RAP1GAP: variants seen among roughly 807,000 people sequenced by gnomAD.
RAP1GAP encodes the protein rap1 GTPase-activating protein 1.
Under a neutral mutation model 87.2 loss-of-function variants are expected in RAP1GAP, and 35 were observed. The ratio of observed to expected loss-of-function variants is 0.40; its 90% CI spans 0.31 to 0.53. RAP1GAP has a LOEUF of 0.53. RAP1GAP is among the 20% of genes least tolerant of loss of function. The pLI is 0.48. For synonymous variants in RAP1GAP, 375 were observed against 363.9 expected, an observed-to-expected ratio of 1.03 and a Z score of -0.35; for missense variants, 734 against 898.9, an observed-to-expected ratio of 0.82 and a Z score of 2.35.
chr1:21,660,943 G>C (rs1036158114), intron 1 of RAP1GAP, among the ~76,000 whole-genome samples: 1 of 152,080 alleles, frequency 6.6e-6, no homozygotes, highest in Non-Finnish European at 1.5e-5. Context: ...GGGCTGAGCT[G>C]GGGACAGGAG....
At position 21,599,493 on chromosome 1, in the gene RAP1GAP, C is replaced by T. The variant is rs773256178; in HGVS notation, c.1776+1G>A. ...GCCCCTGACCCCCCTGAGCCTCTCA[C>T]CAGGCCTGTGTCCTCTCCGTCCACA... On this transcript the variant is annotated splice_donor_variant, in intron 21 of 24. Transcript: ENST00000374765. LOFTEE classifies it high-confidence loss of function. 4.4e-6 allele frequency: 7 copies of T among 1,608,414 alleles called. No homozygotes were observed. Among genetic ancestry groups the T allele is most frequent in the Admixed American group, 3.3e-5 (2 of 59,980 alleles).
At chr1:21,619,295 G>C (rs1414284478) in intron 4 of RAP1GAP, among the ~76,000 whole-genome samples, 2 of 152,126 alleles carry the variant, frequency 1.3e-5, no homozygotes, top group Non-Finnish European at 2.9e-5. Flanking sequence ...GAGGGCTGGG[G>C]ACTCTGCGGG....
chr1:21,607,380 A>G (rs946242467), intron 17 of RAP1GAP, among the ~76,000 whole-genome samples: 1 of 152,150 alleles, frequency 6.6e-6, no homozygotes, highest in African/African-American at 2.4e-5. Context: ...CCATTACCCT[A>G]CTCAACAGAT....
intron 2 of RAP1GAP, among the ~76,000 whole-genome samples, chr1:21,638,588 TAAACAA>T (rs752036699): frequency 1.8e-4 from 27 of 152,168 alleles, no homozygotes; most frequent in African/African-American, 5.8e-4. Context: ...TCTTTCTCTT[TAAACAA>T]AAACAAAAAC....
chr1:21,649,542 T>C (rs540133122), intron 2 of RAP1GAP, among the ~76,000 whole-genome samples: 1 of 152,156 alleles, frequency 6.6e-6, no homozygotes, highest in Non-Finnish European at 1.5e-5. Context: ...ACACAGGCAG[T>C]GGCAGAGTGA....
At chr1:21,627,604 G>A (rs1208943659) in intron 2 of RAP1GAP, among the ~76,000 whole-genome samples, 2 of 151,762 alleles carry the variant, frequency 1.3e-5, no homozygotes, top group Admixed American at 6.6e-5. Context: ...TAGTAGAGAC[G>A]GGGTTTCTCC....
At chr1:21,616,954 C>T (rs908151685) in intron 7 of RAP1GAP, among the ~76,000 whole-genome samples, 3 of 152,198 alleles carry the variant, frequency 2.0e-5, no homozygotes, top group Admixed American at 1.3e-4. Context: ...GGTATCATTA[C>T]CACCAACCAC....
At chr1:21,600,813 A>G (rs1320061237) in intron 20 of RAP1GAP, among the ~76,000 whole-genome samples, 1 of 140,830 alleles carries the variant, frequency 7.1e-6, no homozygotes, top group Non-Finnish European at 1.5e-5. Flanking sequence ...TGAACCCGGG[A>G]GGTGGAGCTT....
At chr1:21,619,585 G>A (rs893277665) in intron 4 of RAP1GAP, among the ~76,000 whole-genome samples, 15 of 152,034 alleles carry the variant, frequency 9.9e-5, no homozygotes, top group Admixed American at 6.6e-4. Context: ...ACGGGGCTGT[G>A]GGGTGGAGGG....
At chr1:21,658,359 G>C (rs1193389458) in intron 1 of RAP1GAP, among the ~76,000 whole-genome samples, 1 of 152,116 alleles carries the variant, frequency 6.6e-6, no homozygotes, top group Non-Finnish European at 1.5e-5. Context: ...CCTGAGGCCA[G>C]GAGTTCGAGA....
intron 20 of RAP1GAP, among the ~76,000 whole-genome samples, chr1:21,601,271 G>A (rs2068159191): frequency 6.6e-6 from 1 of 152,074 alleles, no homozygotes; most frequent in African/African-American, 2.4e-5. Flanking sequence ...AGTCCTAGCA[G>A]GGCTGGTTCA....
rs1208321365 is a variant in RAP1GAP at position 21,651,914 on chromosome 1, G to A, written c.-148-2118C>T. On this transcript the variant is annotated intron_variant, in intron 1 of 24. Coordinates refer to ENST00000374765, the MANE Select transcript of RAP1GAP (RefSeq NM_002885.4). The stretch of plus-strand genomic sequence containing the variant: ...TTGGCAACGCGGCCGCCCCGCCCCC[G>A]CCCCCGCCCCAGCTCGGATACGTCC... 5.2e-6 allele frequency: 5 copies of A among 954,350 alleles called. No individual in the cohort carries two copies. In the African/African-American group the frequency reaches 5.4e-5, roughly 10 times the overall value. 59.1% of individuals were successfully genotyped at this position (954,350 alleles called of 1,614,324 possible).
At chr1:21,599,813 C>T (rs779284714) in intron 20 of RAP1GAP, among the ~76,000 whole-genome samples, 196 bp from the exon 21 acceptor site, 1 of 152,174 alleles carries the variant, frequency 6.6e-6, no homozygotes, top group Non-Finnish European at 1.5e-5. Context: ...ATTGTCCTTC[C>T]TAATCCATAA....
intron 1 of RAP1GAP, among the ~76,000 whole-genome samples, chr1:21,658,941 C>CT (rs35740242): frequency 0.7 from 92,416 of 132,256 alleles, 32,582 homozygotes; most frequent in Admixed American, 0.78. Flanking sequence ...ATGAAGAACG[C>CT]TTTTTTTTTT....
At chr1:21,647,102 G>A (rs2096125222) in intron 2 of RAP1GAP, among the ~76,000 whole-genome samples, 1 of 152,156 alleles carries the variant, frequency 6.6e-6, no homozygotes, top group Non-Finnish European at 1.5e-5. Context: ...CAAGCATTAA[G>A]CATTTATGGG....
intron 1 of RAP1GAP, chr1:21,665,371 A>G (rs934927918): frequency 6.2e-5 from 25 of 400,280 alleles, no homozygotes; most frequent in African/African-American, 2.6e-4. Flanking sequence ...CTCATCTGAC[A>G]CAAAGCACCG....
At chr1:21,619,762 G>A (rs1276880005) in intron 4 of RAP1GAP, among the ~76,000 whole-genome samples, 3 of 152,052 alleles carry the variant, frequency 2.0e-5, no homozygotes, top group African/African-American at 7.2e-5. Flanking sequence ...TTGATGAACT[G>A]ACCCCAGCCC....
At chr1:21,646,178 C>T (rs1472222387) in intron 2 of RAP1GAP, among the ~76,000 whole-genome samples, 1 of 152,242 alleles carries the variant, frequency 6.6e-6, no homozygotes, top group Non-Finnish European at 1.5e-5. Flanking sequence ...ACAGGAAGTG[C>T]TCCATATATG....
In RAP1GAP at chr1:21,602,884, C is replaced by T. The variant is rs747561632; in HGVS notation, c.1458G>A (p.Thr486=). 1.6e-5 allele frequency: 25 copies of T among 1,610,274 alleles called. No individual in the cohort carries two copies. Among genetic ancestry groups the T allele is most frequent in the African/African-American group, 2.7e-5 (2 of 74,928 alleles). Residue 486 remains threonine, a synonymous_variant, in exon 19 of 25, where the codon ACG becomes ACA. Transcript: ENST00000374765. ...ISLIVPGKSP[T]RKKSGPFGSR... ...AGCCGAACGGGCCCGACTTCTTCCT[C>T]GTGGGGCTCTTCCCAGGGACAATCA... is the stretch of plus-strand genomic sequence containing the variant.
Sources: allele counts gnomAD v4.1 joint callset (sites outside exome capture counted in the v4.1 genomes callset), GRCh38; gene constraint gnomAD v4.1.1; transcripts MANE v1.5; gene names NCBI Gene and HGNC (gene_info 2026-07-23, HGNC 2026-07-21).